Variants in PTAR1 observed in about 807,000 individuals in gnomAD.
The protein encoded by PTAR1 is protein prenyltransferase alpha subunit repeat-containing protein 1.
In PTAR1, 17 loss-of-function variants were observed where a neutral mutation model predicts 45.5. That is an observed-to-expected ratio of 0.37 (90% CI 0.26 to 0.56). PTAR1 has a LOEUF of 0.56. PTAR1 is among the 20% of genes least tolerant of loss of function. The probability of loss-of-function intolerance (pLI) is 0.77; values close to 1 mark genes in which losing one functional copy is unlikely to be tolerated. For missense variants in PTAR1, 391 were observed against 476.3 expected (o/e 0.82, Z 1.67); for synonymous variants, 169 against 171.3 (o/e 0.99, Z 0.11).
chr9:69,743,428 C>T (rs1330238), intron 2 of PTAR1, among the ~76,000 whole-genome samples: 136,259 of 152,156 alleles, frequency 0.9, 61,520 homozygotes, highest in Middle Eastern at 0.96. Flanking sequence ...AATATTCTAG[C>T]TAACAATAAA....
In PTAR1 at chr9:69,750,797, T is replaced by C. The variant is rs1356298124; in HGVS notation, c.240A>G (p.Gln80=). The change falls in exon 2 of 8, where the codon CAA becomes CAG. Residue 80 remains glutamine, a synonymous_variant. Coordinates refer to ENST00000340434, the MANE Select transcript of PTAR1 (RefSeq NM_001099666.2). ...NKLLLYRTRK[Q]WLNRDELIDV... is the part of the protein sequence containing the mutation. ...CATACTTACCATCTCTGTTCAGCCA[T>C]TGCTTTCTTGTTCTGTACAAAAGGA... 5.6e-6 allele frequency: 9 copies of C among 1,606,694 alleles called. No homozygotes were observed. Among genetic ancestry groups the C allele is most frequent in the Middle Eastern group, 1.7e-4 (1 of 6,052 alleles).
At chr9:69,745,179 T>A (rs1826222348) in intron 2 of PTAR1, among the ~76,000 whole-genome samples, 1 of 152,158 alleles carries the variant, frequency 6.6e-6, no homozygotes, top group Non-Finnish European at 1.5e-5. Flanking sequence ...AGTAAGGAAG[T>A]CTGGAATAAT....
At position 69,711,362 on chromosome 9, in the gene PTAR1, T is replaced by TATAAAACTGTTTA. The variant is rs1431920915; in HGVS notation, c.*6967_*6979dup. ...CAGGTAGGAATGTTTATTTGTGTTT[T>TATAAAACTGTTTA]ATAAAACTGTTTAATCTTTTTACAT... is the stretch of plus-strand genomic sequence containing the variant. On this transcript the variant is annotated 3_prime_UTR_variant, in exon 8 of 8. Transcript: ENST00000340434. 4 of 152,204 alleles carry TATAAAACTGTTTA rather than the reference T, an allele frequency of 2.6e-5. No homozygotes were observed. Among genetic ancestry groups the TATAAAACTGTTTA allele is most frequent in the Non-Finnish European group, 4.4e-5 (3 of 68,028 alleles). 9.4% of individuals were successfully genotyped at this position (152,204 alleles called of 1,614,324 possible). A position where few individuals can be genotyped will look rare whatever the true frequency, so the allele number is the denominator to read the frequency against.
chr9:69,722,112 T>C (rs895823187), intron 6 of PTAR1, among the ~76,000 whole-genome samples: 1 of 152,194 alleles, frequency 6.6e-6, no homozygotes, highest in African/African-American at 2.4e-5. Flanking sequence ...GTTCTGAATA[T>C]ATTTAGTAAG....
At chr9:69,732,429 C>G in intron 4 of PTAR1, 77 bp from the exon 5 acceptor site, 1 of 1,049,042 alleles carries the variant, frequency 9.5e-7, no homozygotes, top group Non-Finnish European at 1.4e-6. Context: ...TTTCATTGTT[C>G]CTAATTTAAT....
At chr9:69,723,723 T>C in intron 5 of PTAR1, 93 bp from the exon 6 acceptor site, 1 of 1,003,358 alleles carries the variant, frequency 1.0e-6, no homozygotes, top group South Asian at 1.6e-5. Flanking sequence ...ATTTGTTCCT[T>C]TTTTGACAAG....
chr9:69,724,187 T>A lies in PTAR1; in HGVS notation c.643-557A>T, dbSNP rs566618010. ...ATAAGGGATTAGTAGAAAAACATGA[T>A]GCACTAATAATAAGATTTTTTCAAG... On this transcript the variant is annotated intron_variant, in intron 5 of 7. Coordinates refer to ENST00000340434, the MANE Select transcript of PTAR1 (RefSeq NM_001099666.2). 9.8e-5 allele frequency among the ~76,000 whole-genome samples: 15 copies of A among 152,294 alleles called. No homozygotes were observed. In the East Asian group the frequency reaches 2.7e-3, roughly 27 times the overall value.
At chr9:69,727,034 C>G (rs901180872) in intron 5 of PTAR1, among the ~76,000 whole-genome samples, 2 of 150,364 alleles carry the variant, frequency 1.3e-5, no homozygotes, top group African/African-American at 4.9e-5. Context: ...TATACACACA[C>G]ACACACACAC....
At chr9:69,751,760 A>G (rs916886039) in intron 1 of PTAR1, among the ~76,000 whole-genome samples, 1 of 152,048 alleles carries the variant, frequency 6.6e-6, no homozygotes, top group African/African-American at 2.4e-5. Flanking sequence ...TATTTTCCTG[A>G]ATTAAAAAAC....
At chr9:69,741,752 T>G (rs777327862) in intron 3 of PTAR1, 40 bp downstream of exon 3, 13 of 1,398,356 alleles carry the variant, frequency 9.3e-6, no homozygotes, top group African/African-American at 1.4e-5. Flanking sequence ...CTTCAGAAAT[T>G]TGGACAAACT....
chr9:69,717,021 C>T lies in PTAR1; in HGVS notation c.*1321G>A, dbSNP rs1186624918. 1.3e-5 allele frequency: 2 copies of T among 152,140 alleles called. No individual in the cohort carries two copies. The highest frequency in any genetic ancestry group is 2.9e-5 in the Non-Finnish European group (2 of 68,028). 9.4% of individuals were successfully genotyped at this position (152,140 alleles called of 1,614,324 possible). ...AAGCAGACATTACATGGCCCATTCC[C>T]CACCCTCATCCCACCTACCTGAAAA... On this transcript the variant is annotated 3_prime_UTR_variant, in exon 8 of 8. Coordinates refer to ENST00000340434, the MANE Select transcript of PTAR1 (RefSeq NM_001099666.2).
At chr9:69,726,679 A>G (rs532307077) in intron 5 of PTAR1, among the ~76,000 whole-genome samples, 1 of 152,008 alleles carries the variant, frequency 6.6e-6, no homozygotes, top group East Asian at 1.9e-4. Context: ...CATTTCCTTA[A>G]TTATCATTAA....
chr9:69,741,923 C>G, intron 2 of PTAR1, 65 bp from the exon 3 acceptor site: 2 of 976,842 alleles, frequency 2.0e-6, no homozygotes, highest in Non-Finnish European at 3.2e-6. Flanking sequence ...GCTTCTCATT[C>G]TTTTAAGGTT....
Position 69,718,679 on chromosome 9 carries a change from T to C in PTAR1, c.953A>G (p.His318Arg), listed in dbSNP as rs749571735. ...TAAGTGATGCTGAAGGTAGAAAATA[T>C]GCCGCCTGCGATAGAGAGGGGAAGG... Reference protein sequence around the residue: ...GHETLWCHRRHIFYLQHHLNA... With the variant: ...GHETLWCHRRRIFYLQHHLNA... The change falls in exon 7 of 8, where the codon CAT (histidine) becomes CGT (arginine). Residue 318 changes from histidine (H) to arginine (R), a missense_variant. Around this residue, in one of 5 missense-constraint regions of PTAR1, gnomAD observed 181 missense variants for 227.7 expected, o/e 0.80. Transcript: ENST00000340434. 16 of 1,566,442 alleles carry C rather than the reference T, an allele frequency of 1.0e-5. No individual in the cohort carries two copies. In the South Asian group the frequency reaches 1.3e-4, roughly 13 times the overall value.
intron 3 of PTAR1, among the ~76,000 whole-genome samples, chr9:69,738,412 C>T (rs2134128717): frequency 6.6e-6 from 1 of 152,266 alleles, no homozygotes; most frequent in East Asian, 1.9e-4. Context: ...GAGTTATGCT[C>T]TACCTTGTAG....
Position 69,712,748 on chromosome 9 carries a change from G to C in PTAR1, c.*5594C>G, listed in dbSNP as rs541562590. 6.6e-6 allele frequency: 1 copy of C among 152,170 alleles called. No individual in the cohort carries two copies. Among genetic ancestry groups the C allele is most frequent in the East Asian group, 1.9e-4 (1 of 5,178 alleles). The allele number at this position is 152,170 out of a possible 1,614,324, so 9.4% of individuals were successfully genotyped here. A position where few individuals can be genotyped will look rare whatever the true frequency, so the allele number is the denominator to read the frequency against. On this transcript the variant is annotated 3_prime_UTR_variant, in exon 8 of 8. Transcript: ENST00000340434. ...ATTTTCCTCAACAGTATTTCTAAAA[G>C]TTGAGAATGATGTCAACTAAAACAA...
At chr9:69,746,195 TAGG>T (rs1826267399) in intron 2 of PTAR1, among the ~76,000 whole-genome samples, 1 of 152,194 alleles carries the variant, frequency 6.6e-6, no homozygotes, top group Admixed American at 6.5e-5. Context: ...GAGAAAGGAC[TAGG>T]AGAAGAAACT....
At chr9:69,753,030 T>C (rs997805391) in intron 1 of PTAR1, among the ~76,000 whole-genome samples, 4 of 152,114 alleles carry the variant, frequency 2.6e-5, no homozygotes, top group African/African-American at 7.2e-5. Context: ...CTCTGAGATA[T>C]AATAACCTAC....
At position 69,759,857 on chromosome 9, in the gene PTAR1, G is replaced by A. The variant is rs2134190430; in HGVS notation, c.82C>T (p.His28Tyr). 1 of 1,525,682 alleles carries A rather than the reference G, an allele frequency of 6.6e-7. No individual in the cohort carries two copies. Among genetic ancestry groups the A allele is most frequent in the Non-Finnish European group, 8.8e-7 (1 of 1,135,774 alleles). The allele number at this position is 1,525,682 out of a possible 1,614,324, so 94.5% of individuals were successfully genotyped here. A position where few individuals can be genotyped will look rare whatever the true frequency, so the allele number is the denominator to read the frequency against. ...DITNAFRRNP[H>Y]IDEIGLIPCP... ...CGGCGGAGGCGCGCGACTCACATGT[G>A]TGGGTTCCTCCTGAAGGCGTTAGTG... Residue 28 changes from histidine to tyrosine, a missense_variant, in exon 1 of 8, where the codon CAC (histidine) becomes TAC (tyrosine). This residue lies in a region of PTAR1 where 152 missense variants were observed against 160.0 expected (regional missense o/e 0.95). Coordinates refer to ENST00000340434, the MANE Select transcript of PTAR1 (RefSeq NM_001099666.2).
Sources: allele counts gnomAD v4.1 joint callset (sites outside exome capture counted in the v4.1 genomes callset), GRCh38; gene constraint gnomAD v4.1.1; regional missense constraint gnomAD v4.1.1; transcripts MANE v1.5; gene names NCBI Gene and HGNC (gene_info 2026-07-23, HGNC 2026-07-21).